The following ABCA12 variants were observed in gnomAD, a reference collection of about 807,000 sequenced individuals.
ABCA12 encodes ATP binding cassette subfamily A member 12, also known as glucosylceramide transporter ABCA12.
In ABCA12, 156 loss-of-function variants were observed where a neutral mutation model predicts 293.5. That is an observed-to-expected ratio of 0.53 (90% CI 0.47 to 0.61). The LOEUF (loss-of-function observed/expected upper bound fraction) is 0.61, where lower values mean the gene tolerates loss of function less well. Among genes scored for constraint, ABCA12 ranks in the 20% least tolerant of loss-of-function variants. The pLI, the probability that ABCA12 is intolerant of heterozygous loss-of-function variation, is 0.00. For synonymous variants in ABCA12, 1,063 were observed against 1,108.0 expected, an observed-to-expected ratio of 0.96 and a Z score of 0.81; for missense variants, 2,797 against 3,090.2, an observed-to-expected ratio of 0.91 and a Z score of 2.25.
intron 2 of ABCA12, among the ~76,000 whole-genome samples, chr2:215,086,713 C>T (rs1702045434): frequency 6.6e-6 from 1 of 152,074 alleles, no homozygotes; most frequent in African/African-American, 2.4e-5. Flanking sequence ...CCAGCAAGGT[C>T]CTTATCAGAG....
intron 8 of ABCA12, among the ~76,000 whole-genome samples, chr2:215,035,144 T>G (rs1403054408): frequency 1.3e-5 from 2 of 152,146 alleles, no homozygotes; most frequent in Non-Finnish European, 2.9e-5. Flanking sequence ...CTAGAAATAC[T>G]TAGGAGGGTT....
Position 215,052,504 on chromosome 2 carries a change from T to A in ABCA12, c.490A>T (p.Ile164Phe). The A allele has an allele frequency of 6.2e-7, 1 of 1,612,552 alleles. No individual in the cohort carries two copies. Among genetic ancestry groups the A allele is most frequent in the Non-Finnish European group, 8.5e-7 (1 of 1,178,910 alleles). ...CAAGTTACCTTTTCCAAGCCAAGAA[T>A]TCGTGCGAGCACTTGACTGCCATTG... ...TFNGSQVLARILGLEKLLKQN... is the reference protein window; with the variant it reads ...TFNGSQVLARFLGLEKLLKQN... Residue 164 changes from isoleucine (I) to phenylalanine (F), a missense_variant, in exon 5 of 53, where the codon ATT becomes TTT. By Grantham distance (21) the Ile-to-Phe change is conservative. Around this residue, in one of 3 missense-constraint regions of ABCA12, gnomAD observed 656 missense variants for 638.2 expected, o/e 1.03. Transcript: ENST00000272895.
chr2:214,996,582 A>G (rs944080532), intron 23 of ABCA12, among the ~76,000 whole-genome samples: 2 of 152,228 alleles, frequency 1.3e-5, no homozygotes, highest in African/African-American at 2.4e-5. Flanking sequence ...CATTGCATAC[A>G]GTCCTGAAAA....
intron 8 of ABCA12, chr2:215,032,184 G>A (rs749826933): frequency 9.2e-7 from 1 of 1,083,678 alleles, no homozygotes; most frequent in Non-Finnish European, 1.2e-6. Flanking sequence ...TTTATCCCAG[G>A]ACCTGCATAT....
chr2:214,961,226 T>C lies in ABCA12; in HGVS notation c.5885-2148A>G, dbSNP rs549556395. On this transcript the variant is annotated intron_variant, in intron 39 of 52. Transcript: ENST00000272895. ...CCAGAGAGAGTGGAAACTTACCACT[T>C]CCGTAAGTCTATTTAAGAAAAATTA... Among the ~76,000 whole-genome samples the C allele has an allele frequency of 1.1e-4, 16 of 152,212 alleles. No homozygotes were observed. The South Asian group carries it at 1.9e-3, about 18-fold the overall frequency.
rs780244541 is a variant in ABCA12, at chr2:215,052,549, T to G, written c.445A>C (p.Ile149Leu). 1.2e-6 allele frequency: 2 copies of G among 1,612,646 alleles called. No homozygotes were observed. The highest frequency in any genetic ancestry group is 1.7e-6 in the Non-Finnish European group (2 of 1,178,980). The change falls in exon 5 of 53, where the codon ATC becomes CTC. Residue 149 changes from isoleucine to leucine, a missense_variant. By Grantham distance (5) the Ile-to-Leu change is conservative. Around this residue, in one of 3 missense-constraint regions of ABCA12, gnomAD observed 656 missense variants for 638.2 expected, o/e 1.03. Coordinates refer to ENST00000272895, the MANE Select transcript of ABCA12 (RefSeq NM_173076.3). ...VFPSPSSDLEIPGTYTFNGSQ... is the reference protein window; with the variant it reads ...VFPSPSSDLELPGTYTFNGSQ... ...CCATTGAAAGTATATGTTCCGGGGA[T>G]TTCCAAATCAGAACTTGGACTGGGA...
intron 2 of ABCA12, among the ~76,000 whole-genome samples, chr2:215,088,469 G>A (rs1004169427): frequency 6.6e-6 from 1 of 152,166 alleles, no homozygotes; most frequent in East Asian, 1.9e-4. Flanking sequence ...GAAGATAAAG[G>A]ATTTAGTATT....
chr2:215,019,695 C>G lies in ABCA12; in HGVS notation c.1389G>C (p.Leu463=), dbSNP rs1291191692. ...CQLSDMSFGS[L]CEESEFDLQL... ...GCAGATCAAACTCACTTTCTTCACA[C>G]AGGCTCCCAAAGCTCATATCAGAGA... The change falls in exon 12 of 53, where the codon CTG becomes CTC. Residue 463 remains leucine (L), a synonymous_variant. Coordinates refer to ENST00000272895, the MANE Select transcript of ABCA12 (RefSeq NM_173076.3). 10 of 1,614,072 alleles carry G rather than the reference C, an allele frequency of 6.2e-6. No individual in the cohort carries two copies.
intron 23 of ABCA12, among the ~76,000 whole-genome samples, chr2:214,992,154 T>G (rs1231275107): frequency 2.6e-5 from 4 of 152,016 alleles, no homozygotes; most frequent in Non-Finnish European, 4.4e-5. Context: ...AATTCATGAT[T>G]AATGAGGGCC....
chr2:215,085,933 A>T (rs940928268), intron 2 of ABCA12, among the ~76,000 whole-genome samples: 1 of 152,232 alleles, frequency 6.6e-6, no homozygotes, highest in African/African-American at 2.4e-5. Flanking sequence ...GTTTTTATAT[A>T]AAGAATAAAA....
chr2:215,103,275 T>C (rs1702396094), intron 2 of ABCA12, among the ~76,000 whole-genome samples: 1 of 148,246 alleles, frequency 6.7e-6, no homozygotes, highest in South Asian at 2.1e-4. Context: ...TTCTTTTTTT[T>C]TTTTTTTTTT....
In ABCA12 at chr2:215,049,488, T is replaced by A; in HGVS notation, c.693+138A>T. Reference sequence around the variant, plus strand: ...AGTAATACTACTTAAGATTAAACTTTGTGTGCAAATGTCTATGTGAGGAAA... The same window carrying A: ...AGTAATACTACTTAAGATTAAACTTAGTGTGCAAATGTCTATGTGAGGAAA... On this transcript the variant is annotated intron_variant, in intron 6 of 52. Coordinates refer to ENST00000272895, the MANE Select transcript of ABCA12 (RefSeq NM_173076.3). The A allele has an allele frequency of 3.6e-6, 3 of 833,096 alleles. No individual in the cohort carries two copies. In the South Asian group the frequency reaches 5.1e-5, roughly 14 times the overall value. 51.6% of individuals were successfully genotyped at this position (833,096 alleles called of 1,614,324 possible).
chr2:215,090,510 C>T (rs1047585981), intron 2 of ABCA12, among the ~76,000 whole-genome samples: 1 of 152,158 alleles, frequency 6.6e-6, no homozygotes, highest in African/African-American at 2.4e-5. Context: ...TTCAATCTCT[C>T]CCTTCCTTAA....
chr2:214,978,355 C>T lies in ABCA12; in HGVS notation c.5089G>A (p.Asp1697Asn), dbSNP rs1265616723. 5.6e-6 allele frequency: 9 copies of T among 1,614,034 alleles called. No individual in the cohort carries two copies. Among genetic ancestry groups the T allele is most frequent in the Admixed American group, 1.7e-5 (1 of 60,010 alleles). Residue 1697 changes from aspartate to asparagine, a missense_variant, in exon 33 of 53, where the codon GAT becomes AAT. Transcript: ENST00000272895. ...AAATTGCTGCTGCTCACAGATAAAT[C>T]GTCAGGAGTTGAGATGCCATTGGCA... ...SNANGISTPDDLSVSSSNFTD... is the reference protein window; with the variant it reads ...SNANGISTPDNLSVSSSNFTD...
chr2:214,941,013 A>G (rs566318622), intron 50 of ABCA12, among the ~76,000 whole-genome samples: 99 of 152,084 alleles, frequency 6.5e-4, no homozygotes, highest in African/African-American at 1.8e-3. Flanking sequence ...TAGCTTTTGA[A>G]TGGTTTGCTC....
chr2:215,104,749 G>A (rs1375955891), intron 2 of ABCA12, among the ~76,000 whole-genome samples: 1 of 152,160 alleles, frequency 6.6e-6, no homozygotes, highest in Non-Finnish European at 1.5e-5. Context: ...CAAGAAGCAG[G>A]CTGTTAATGC....
In ABCA12 at chr2:214,983,867, T is replaced by C. The variant is rs1486893759; in HGVS notation, c.4164-2A>G. On this transcript the variant is annotated splice_acceptor_variant, in intron 28 of 52. Transcript: ENST00000272895. LOFTEE classifies it high-confidence loss of function. The stretch of plus-strand genomic sequence containing the variant: ...CCAAACAGCCCAGTTAACATGGAAC[T>C]GGAAATGAAGAAATGATAAATTAGG... The C allele has an allele frequency of 6.2e-7, 1 of 1,613,208 alleles. No homozygotes were observed. The highest frequency in any genetic ancestry group is 1.1e-5 in the South Asian group (1 of 91,046).
chr2:214,941,535 T>C (rs909995312), intron 50 of ABCA12, among the ~76,000 whole-genome samples: 1 of 152,164 alleles, frequency 6.6e-6, no homozygotes, highest in Non-Finnish European at 1.5e-5. Context: ...ATCTGTCTAA[T>C]ATTGACAGTG....
intron 1 of ABCA12, among the ~76,000 whole-genome samples, chr2:215,134,599 C>CTCTCTA (rs1278151109): frequency 9.4e-5 from 8 of 85,264 alleles, no homozygotes; most frequent in Admixed American, 1.1e-4. Flanking sequence ...CTCTCTCTCT[C>CTCTCTA]TATATATATA....
Sources: allele counts gnomAD v4.1 joint callset (sites outside exome capture counted in the v4.1 genomes callset), GRCh38; gene constraint gnomAD v4.1.1; regional missense constraint gnomAD v4.1.1; transcripts MANE v1.5; gene names NCBI Gene and HGNC (gene_info 2026-07-23, HGNC 2026-07-21).